Variants in TMEM255B observed in about 807,000 individuals in gnomAD.
The protein encoded by TMEM255B is transmembrane protein 255B.
A neutral mutation model predicts 34.5 loss-of-function variants in TMEM255B; 35 were observed. The ratio of observed to expected loss-of-function variants is 1.01; its 90% CI spans 0.77 to 1.34. The LOEUF (loss-of-function observed/expected upper bound fraction) is 1.34, where lower values mean the gene tolerates loss of function less well. Ranked by LOEUF, TMEM255B falls within the 40% of genes most tolerant of loss-of-function variation. TMEM255B has a pLI of 0.00. For synonymous variants in TMEM255B, 206 were observed against 201.2 expected, an observed-to-expected ratio of 1.02 and a Z score of -0.20; for missense variants, 432 against 433.2, an observed-to-expected ratio of 1.00 and a Z score of 0.02.
At chr13:113,781,822 C>G (rs1287178254) in intron 3 of TMEM255B, among the ~76,000 whole-genome samples, 1 of 152,200 alleles carries the variant, frequency 6.6e-6, no homozygotes, top group Admixed American at 6.5e-5. Context: ...TACCACATGC[C>G]TTGACTTTCT....
intron 5 of TMEM255B, chr13:113,800,192 T>TG (rs1285498447): frequency 0.055 from 1,303 of 23,708 alleles, 86 homozygotes; most frequent in Middle Eastern, 0.079. Flanking sequence ...TGTGTGTGTG[T>TG]GTGGGGGGGG....
chr13:113,763,493 C>T (rs1296063973), intron 1 of TMEM255B, among the ~76,000 whole-genome samples: 3 of 152,194 alleles, frequency 2.0e-5, no homozygotes, highest in East Asian at 1.9e-4. Flanking sequence ...CTCGGGCAAA[C>T]GACCGTGAAC....
At chr13:113,772,298 A>G (rs2050491502) in intron 3 of TMEM255B, among the ~76,000 whole-genome samples, 1 of 152,172 alleles carries the variant, frequency 6.6e-6, no homozygotes, top group Admixed American at 6.5e-5. Context: ...TTGCCGTTTC[A>G]CTTTCTTAAT....
chr13:113,795,274 G>A lies in TMEM255B; in HGVS notation c.342+37G>A, dbSNP rs370688345. On this transcript the variant is annotated intron_variant, in intron 4 of 8. Coordinates refer to ENST00000375353, the MANE Select transcript of TMEM255B (RefSeq NM_182614.4). Reference sequence around the variant, plus strand: ...GTCATTGTGTGCACAGTCGCTTTCCGGGGCTGAAAGAGTCGACGTGAAAAA... The same window carrying A: ...GTCATTGTGTGCACAGTCGCTTTCCAGGGCTGAAAGAGTCGACGTGAAAAA... The A allele has an allele frequency of 1.6e-5, 26 of 1,588,796 alleles. 1 individual carries two copies. The highest frequency in any genetic ancestry group is 1.7e-4 in the Middle Eastern group (1 of 6,004).
intron 6 of TMEM255B, among the ~76,000 whole-genome samples, chr13:113,801,384 G>A (rs1003796120): frequency 1.8e-4 from 28 of 152,298 alleles, no homozygotes; most frequent in Non-Finnish European, 3.1e-4. Context: ...CCAGACACCC[G>A]TCCTGCCAGG....
intron 4 of TMEM255B, among the ~76,000 whole-genome samples, chr13:113,795,660 G>GAGCACAT: frequency 9.6e-6 from 1 of 103,962 alleles, no homozygotes; most frequent in Admixed American, 1.2e-4. Flanking sequence ...ACACACAACA[G>GAGCACAT]AGCACACAGC....
At chr13:113,798,143 A>G (rs2050973727) in intron 4 of TMEM255B, among the ~76,000 whole-genome samples, 1 of 151,992 alleles carries the variant, frequency 6.6e-6, no homozygotes. Context: ...ATGTGGATGA[A>G]TGGAAGTATG....
At chr13:113,802,059 C>T (rs569411086) in intron 7 of TMEM255B, among the ~76,000 whole-genome samples, 2 of 152,358 alleles carry the variant, frequency 1.3e-5, no homozygotes, top group South Asian at 2.1e-4. Flanking sequence ...TGGGCACAGC[C>T]GTCCCCAAGA....
chr13:113,786,200 TGTCACCATC>T (rs2050737929), intron 3 of TMEM255B, among the ~76,000 whole-genome samples: 2 of 151,852 alleles, frequency 1.3e-5, no homozygotes, highest in South Asian at 2.1e-4. Context: ...CTGTCACCAT[TGTCACCATC>T]GTCACCATCC....
Position 113,803,360 on chromosome 13 carries a change from A to T in TMEM255B, c.670-1525A>T, listed in dbSNP as rs1402145217. The T allele has an allele frequency of 1.4e-5, 2 of 148,046 alleles. 1 individual carries two copies. The highest frequency in any genetic ancestry group is 4.9e-5 in the African/African-American group (2 of 40,580). The allele number at this position is 148,046 out of a possible 1,614,324, so 9.2% of individuals were successfully genotyped here. Reference sequence around the variant, plus strand: ...GAGTTTAACTGATTTTGCCATTTAAACATTTTGTTAAGGAATGAAGATGCT... The same window carrying T: ...GAGTTTAACTGATTTTGCCATTTAATCATTTTGTTAAGGAATGAAGATGCT... On this transcript the variant is annotated intron_variant, in intron 7 of 8. Transcript: ENST00000375353.
intron 3 of TMEM255B, among the ~76,000 whole-genome samples, chr13:113,772,848 C>G (rs1458550211): frequency 1.3e-5 from 2 of 152,134 alleles, no homozygotes; most frequent in East Asian, 1.9e-4. Context: ...AGTCTTCCAG[C>G]CTTGTTCTTT....
intron 8 of TMEM255B, among the ~76,000 whole-genome samples, chr13:113,805,574 C>CATGA (rs1179888779): frequency 6.6e-6 from 1 of 152,248 alleles, no homozygotes; most frequent in African/African-American, 2.4e-5. Flanking sequence ...CCTTCTGTGC[C>CATGA]ATGAAGCTCT....
intron 6 of TMEM255B, 56 bp from the exon 7 acceptor site, chr13:113,801,597 A>T: frequency 6.5e-7 from 1 of 1,528,844 alleles, no homozygotes. Context: ...CACAAGTTTA[A>T]CTTGCGGGTG....
rs760325446 is a variant in TMEM255B, at chr13:113,811,910, C to T, written c.*7C>T. The T allele has an allele frequency of 2.1e-5, 33 of 1,570,134 alleles. No individual in the cohort carries two copies. The highest frequency in any genetic ancestry group is 1.5e-4 in the African/African-American group (11 of 71,930). ...ACCCCCCTACGCACCCTGATAGAGG[C>T]GTGGAGTAAAAGATAACTTGTTTGT... is the stretch of plus-strand genomic sequence containing the variant. On this transcript the variant is annotated 3_prime_UTR_variant, in exon 9 of 9. Coordinates refer to ENST00000375353, the MANE Select transcript of TMEM255B (RefSeq NM_182614.4).
rs1204048457 is a variant in TMEM255B, at chr13:113,806,568, A to G, written c.813+1540A>G. Among the ~76,000 whole-genome samples the G allele has an allele frequency of 6.6e-6, 1 of 152,176 alleles. No homozygotes were observed. Among genetic ancestry groups the G allele is most frequent in the African/African-American group, 2.4e-5 (1 of 41,450 alleles). On this transcript the variant is annotated intron_variant, in intron 8 of 8. Transcript: ENST00000375353. The surrounding 1 kb of genome is among the most constrained non-coding windows in gnomAD (Gnocchi z 4.2). ...TCTTTTCCATTTCTGTGACGGGGGAAGATGTGGTCCCCAGGGTCAGATGGC... is the reference window on the plus strand; with the variant it reads ...TCTTTTCCATTTCTGTGACGGGGGAGGATGTGGTCCCCAGGGTCAGATGGC...
At chr13:113,808,087 CAT>C (rs1484317676) in intron 8 of TMEM255B, among the ~76,000 whole-genome samples, 2 of 152,170 alleles carry the variant, frequency 1.3e-5, no homozygotes, top group African/African-American at 2.4e-5. Context: ...AGATGAGGCT[CAT>C]GTGCTCCTCA....
At chr13:113,773,280 T>G (rs9652268) in intron 3 of TMEM255B, among the ~76,000 whole-genome samples, 82,508 of 152,028 alleles carry the variant, frequency 0.54, 23,151 homozygotes, top group South Asian at 0.79. Flanking sequence ...TGTATGTTGA[T>G]CTAATATCTG....
At chr13:113,803,431 G>A (rs2051102373) in intron 7 of TMEM255B, 1 of 148,198 alleles carries the variant, frequency 6.7e-6, no homozygotes, top group Admixed American at 6.7e-5. Flanking sequence ...CTTCGTAGAC[G>A]AGGGCAAATT....
rs2138598023 is a variant in TMEM255B at position 113,815,793 on chromosome 13, C to G, written c.*3890C>G. The G allele has an allele frequency of 6.5e-6, 1 of 152,778 alleles. No individual in the cohort carries two copies. The highest frequency in any genetic ancestry group is 1.5e-5 in the Non-Finnish European group (1 of 68,488). The allele number at this position is 152,778 out of a possible 1,614,324, so 9.5% of individuals were successfully genotyped here. ...TGGTCCATCCACACGCGGGTCTCAC[C>G]CAGCCACAGAGAGGGAGAGGACGTG... On this transcript the variant is annotated 3_prime_UTR_variant, in exon 9 of 9. Coordinates refer to ENST00000375353, the MANE Select transcript of TMEM255B (RefSeq NM_182614.4).
Sources: allele counts gnomAD v4.1 joint callset (sites outside exome capture counted in the v4.1 genomes callset), GRCh38; gene constraint gnomAD v4.1.1; non-coding constraint Gnocchi (gnomAD v3.1); transcripts MANE v1.5; gene names NCBI Gene and HGNC (gene_info 2026-07-23, HGNC 2026-07-21).